The following ADGRB3 variants were observed in gnomAD, a reference collection of about 807,000 sequenced individuals.
The protein encoded by ADGRB3 is adhesion G protein-coupled receptor B3.
ADGRB3 carries 37 observed loss-of-function variants against 193.4 expected under a neutral mutation model. The observed-to-expected ratio is 0.19, with a 90% CI of 0.15 to 0.25. The LOEUF (loss-of-function observed/expected upper bound fraction) is 0.25. ADGRB3 is among the 10% of genes least tolerant of loss of function. The pLI, the probability that ADGRB3 is intolerant of heterozygous loss-of-function variation, is 1.00. For missense variants in ADGRB3, 1,637 were observed against 1,852.9 expected (o/e 0.88, Z 2.14); for synonymous variants, 690 against 644.2 (o/e 1.07, Z -1.08).
chr6:68,838,923 C>G (rs1768095376), intron 3 of ADGRB3, among the ~76,000 whole-genome samples: 1 of 152,082 alleles, frequency 6.6e-6, no homozygotes, highest in African/African-American at 2.4e-5. Context: ...AAGACAAACA[C>G]TAAACTAATA....
chr6:68,726,144 C>A (rs1765670137), intron 3 of ADGRB3, among the ~76,000 whole-genome samples: 1 of 151,572 alleles, frequency 6.6e-6, no homozygotes, highest in South Asian at 2.1e-4. Context: ...TGAAGATTAT[C>A]TATCAAATAT....
At position 69,260,217 on chromosome 6, in the gene ADGRB3, G is replaced by C. The variant is rs891014485; in HGVS notation, c.2814+20991G>C. 3.9e-5 allele frequency among the ~76,000 whole-genome samples: 6 copies of C among 152,266 alleles called. No individual in the cohort carries two copies. In the South Asian group the frequency reaches 1.2e-3, roughly 32 times the overall value. On this transcript the variant is annotated intron_variant, in intron 20 of 31. Coordinates refer to ENST00000370598, the MANE Select transcript of ADGRB3 (RefSeq NM_001704.3). The stretch of plus-strand genomic sequence containing the variant: ...TGTCATTTGAATGCATAGTAGACCA[G>C]ACTGGATGAGAATGGCTTTTGGGTA...
At chr6:68,733,263 ATG>A (rs1445994838) in intron 3 of ADGRB3, among the ~76,000 whole-genome samples, 1 of 148,534 alleles carries the variant, frequency 6.7e-6, no homozygotes, top group Non-Finnish European at 1.5e-5. Flanking sequence ...ATATAGGAAT[ATG>A]TATATATTCC....
chr6:68,737,707 G>A (rs983440999), intron 3 of ADGRB3, among the ~76,000 whole-genome samples: 6 of 152,044 alleles, frequency 3.9e-5, no homozygotes. Context: ...TAATCTCGTC[G>A]TTCTCAATGA....
At position 69,168,845 on chromosome 6, in the gene ADGRB3, G is replaced by C. The variant is rs183256514; in HGVS notation, c.2481-64445G>C. Among the ~76,000 whole-genome samples the C allele has an allele frequency of 1.6e-3, 236 of 152,126 alleles. 3 individuals carry two copies. Among genetic ancestry groups the C allele is most frequent in the African/African-American group, 5.3e-3 (219 of 41,538 alleles). Reference sequence around the variant, plus strand: ...AAATCAGCATGTAATTCAGTCTACAGTTCTAAGAATTGATGTATAGTTACA... The same window carrying C: ...AAATCAGCATGTAATTCAGTCTACACTTCTAAGAATTGATGTATAGTTACA... On this transcript the variant is annotated intron_variant, in intron 17 of 31. Transcript: ENST00000370598.
At chr6:69,075,274 A>G (rs1490147353) in intron 16 of ADGRB3, among the ~76,000 whole-genome samples, 1 of 152,212 alleles carries the variant, frequency 6.6e-6, no homozygotes, top group African/African-American at 2.4e-5. Flanking sequence ...AAGACTCTTC[A>G]GGCATATGAC....
In ADGRB3 at chr6:69,171,215, G is replaced by A. The variant is rs564993144; in HGVS notation, c.2481-62075G>A. Among the ~76,000 whole-genome samples the A allele has an allele frequency of 1.4e-3, 212 of 152,080 alleles. 1 individual carries two copies. The highest frequency in any genetic ancestry group is 5.0e-3 in the African/African-American group (209 of 41,484). On this transcript the variant is annotated intron_variant, in intron 17 of 31. Coordinates refer to ENST00000370598, the MANE Select transcript of ADGRB3 (RefSeq NM_001704.3). ...TCTCAATTTAGACTAGCTAGTTTTCGAATGCTCAATAGCCACATATGGCTA... is the reference window on the plus strand; with the variant it reads ...TCTCAATTTAGACTAGCTAGTTTTCAAATGCTCAATAGCCACATATGGCTA...
intron 17 of ADGRB3, among the ~76,000 whole-genome samples, chr6:69,165,041 G>A (rs933111616): frequency 6.6e-6 from 1 of 150,884 alleles, no homozygotes; most frequent in African/African-American, 2.4e-5. Context: ...TCTCCTTACT[G>A]CTCACTCCAA....
intron 20 of ADGRB3, among the ~76,000 whole-genome samples, chr6:69,277,538 C>T (rs1767330560): frequency 1.3e-5 from 2 of 152,072 alleles, no homozygotes; most frequent in Non-Finnish European, 2.9e-5. Flanking sequence ...GTCAGCACTC[C>T]CAAAGGACTT....
At chr6:69,282,590 TG>T (rs1258349670) in intron 20 of ADGRB3, among the ~76,000 whole-genome samples, 1 of 152,228 alleles carries the variant, frequency 6.6e-6, no homozygotes, top group Non-Finnish European at 1.5e-5. Context: ...TTGTTTCGTT[TG>T]TTTTTTTATT....
chr6:69,034,956 A>T (rs182837107), intron 13 of ADGRB3, among the ~76,000 whole-genome samples: 12 of 152,196 alleles, frequency 7.9e-5, no homozygotes, highest in African/African-American at 2.2e-4. Context: ...AAAGACCAAA[A>T]TTATTTTCTG....
At chr6:69,106,179 A>AAAAG (rs1554143753) in intron 17 of ADGRB3, among the ~76,000 whole-genome samples, 7,196 of 140,218 alleles carry the variant, frequency 0.051, 270 homozygotes, top group Non-Finnish European at 0.078. Flanking sequence ...AAAAAAAAAA[A>AAAAG]AAAAGAAAAG....
At chr6:69,326,215 C>T (rs1243144118) in intron 21 of ADGRB3, among the ~76,000 whole-genome samples, 3 of 152,176 alleles carry the variant, frequency 2.0e-5, no homozygotes, top group Non-Finnish European at 4.4e-5. Flanking sequence ...GACACTCCAA[C>T]TTGTGTCACA....
chr6:69,069,269 G>A (rs1772000183), intron 16 of ADGRB3, among the ~76,000 whole-genome samples: 1 of 151,864 alleles, frequency 6.6e-6, no homozygotes. Flanking sequence ...CTTGCATGGT[G>A]TTTTACTCTT....
chr6:68,837,958 G>A (rs6934264), intron 3 of ADGRB3, among the ~76,000 whole-genome samples: 11,625 of 152,156 alleles, frequency 0.076, 1,447 homozygotes, highest in African/African-American at 0.26. Flanking sequence ...AAGGCATTCT[G>A]ATAGTTATGC....
chr6:69,276,506 A>T (rs1343007052), intron 20 of ADGRB3, among the ~76,000 whole-genome samples: 3 of 152,200 alleles, frequency 2.0e-5, no homozygotes, highest in African/African-American at 7.2e-5. Flanking sequence ...GAAAGAAATG[A>T]TCAAATAAAT....
rs560278610 is a variant in ADGRB3 at position 68,842,986 on chromosome 6, A to G, written c.758-87573A>G. ...AAAATTCAATATCACTTTATGGTAA[A>G]AAACATAAAAAAAGCTGGGTGTAGA... On this transcript the variant is annotated intron_variant, in intron 3 of 31. Coordinates refer to ENST00000370598, the MANE Select transcript of ADGRB3 (RefSeq NM_001704.3). 2.6e-5 allele frequency among the ~76,000 whole-genome samples: 4 copies of G among 152,164 alleles called. No individual in the cohort carries two copies. The South Asian group carries it at 8.3e-4, about 32-fold the overall frequency.
intron 15 of ADGRB3, among the ~76,000 whole-genome samples, chr6:69,060,482 A>G (rs1181526333): frequency 6.6e-6 from 1 of 152,042 alleles, no homozygotes; most frequent in African/African-American, 2.4e-5. Context: ...CAAAATTGCA[A>G]TCTTCTTTAT....
intron 3 of ADGRB3, among the ~76,000 whole-genome samples, chr6:68,813,700 T>TC (rs1181615645): frequency 2.0e-5 from 3 of 152,070 alleles, no homozygotes; most frequent in African/African-American, 7.2e-5. Flanking sequence ...ATGCTATCCC[T>TC]CCCCACTCCC....
Sources: gnomAD v4.1 joint callset for allele counts (sites outside exome capture counted in the v4.1 genomes callset) on GRCh38, gnomAD v4.1.1 for gene constraint, MANE v1.5 for transcripts, NCBI Gene and HGNC (gene_info 2026-07-23, HGNC 2026-07-21) for gene names.